The following VPS13B variants were observed in gnomAD, a reference collection of about 807,000 sequenced individuals.
VPS13B encodes vacuolar protein sorting 13 homolog B.
Under a neutral mutation model 426.4 loss-of-function variants are expected in VPS13B, and 285 were observed. The observed-to-expected ratio is 0.67, with a 90% CI of 0.61 to 0.74. The LOEUF is 0.74. Ranked by LOEUF, VPS13B falls within the 30% of genes least tolerant of loss-of-function variation. VPS13B has a pLI of 0.00. For synonymous variants in VPS13B, 1,676 were observed against 1,676.4 expected (o/e 1.00, Z 0.01); for missense variants, 4,537 against 4,782.6 (o/e 0.95, Z 1.51).
At chr8:99,342,787 T>C (rs1293647783) in intron 19 of VPS13B, among the ~76,000 whole-genome samples, 2 of 152,180 alleles carry the variant, frequency 1.3e-5, no homozygotes, top group Non-Finnish European at 2.9e-5. Context: ...AGCCATATGG[T>C]AATCTTATTT....
intron 19 of VPS13B, among the ~76,000 whole-genome samples, chr8:99,288,976 C>T (rs1256038017): frequency 2.0e-5 from 3 of 151,724 alleles, no homozygotes; most frequent in Admixed American, 6.6e-5. Context: ...GTGGAAGGAT[C>T]ACTTGAGTCC....
At position 99,184,907 on chromosome 8, in the gene VPS13B, C is replaced by T. The variant is rs544434271; in HGVS notation, c.2334-7969C>T. 2.6e-5 allele frequency among the ~76,000 whole-genome samples: 4 copies of T among 152,318 alleles called. No individual in the cohort carries two copies. In the East Asian group the frequency reaches 7.7e-4, roughly 29 times the overall value. ...TCTGGAGGCTGAGGCACGAGAGTCT[C>T]TTGAACCTGGAGGCGGAGGCTGCAG... On this transcript the variant is annotated intron_variant, in intron 16 of 61. Transcript: ENST00000357162.
intron 35 of VPS13B, among the ~76,000 whole-genome samples, chr8:99,684,189 T>A (rs552577653): frequency 1.3e-5 from 2 of 152,380 alleles, no homozygotes; most frequent in Non-Finnish European, 2.9e-5. Flanking sequence ...TAGTTCTGTA[T>A]GCTGATGGAT....
chr8:99,442,526 A>G lies in VPS13B; in HGVS notation c.3336A>G (p.Gly1112=), dbSNP rs751695118. ...ACCATGGACAAACCAGCATGCCGGG[A>G]ACACTTGTCCTCTGTTTGCCTCAAA... ...SWYHGQTSMP[G]TLVLCLPQIK... is the part of the protein sequence containing the mutation. The change falls in exon 23 of 62, where the codon GGA becomes GGG. Residue 1112 remains glycine (G), a synonymous_variant. Coordinates refer to ENST00000357162, the MANE Select transcript of VPS13B (RefSeq NM_152564.5). 3 of 1,613,990 alleles carry G rather than the reference A, an allele frequency of 1.9e-6. No homozygotes were observed. In the South Asian group the frequency reaches 3.3e-5, roughly 18 times the overall value.
At chr8:99,257,325 C>T (rs1817797114) in intron 17 of VPS13B, among the ~76,000 whole-genome samples, 1 of 152,084 alleles carries the variant, frequency 6.6e-6, no homozygotes, top group South Asian at 2.1e-4. Flanking sequence ...TGGTTGCACA[C>T]AGAGTTCTTA....
intron 30 of VPS13B, among the ~76,000 whole-genome samples, chr8:99,523,020 G>A (rs1822452992): frequency 6.6e-6 from 1 of 152,142 alleles, no homozygotes; most frequent in Admixed American, 6.5e-5. Flanking sequence ...TGAAATCTCA[G>A]TGAACTAGAT....
intron 33 of VPS13B, among the ~76,000 whole-genome samples, chr8:99,634,309 A>C (rs1332920143): frequency 6.6e-6 from 1 of 152,002 alleles, no homozygotes; most frequent in Non-Finnish European, 1.5e-5. Context: ...TCCTTTTCAT[A>C]ATTTACAACT....
intron 4 of VPS13B, among the ~76,000 whole-genome samples, chr8:99,101,887 C>A (rs1846771810): frequency 6.6e-6 from 1 of 151,950 alleles, no homozygotes; most frequent in African/African-American, 2.4e-5. Flanking sequence ...ATGGTTATTT[C>A]ATGAAATAGC....
At chr8:99,766,127 G>A (rs994227285) in intron 39 of VPS13B, among the ~76,000 whole-genome samples, 1 of 137,588 alleles carries the variant, frequency 7.3e-6, no homozygotes, top group East Asian at 2.2e-4. Flanking sequence ...CCAGGCTGGA[G>A]TGCAGTCACT....
chr8:99,622,814 T>A (rs1467536029), intron 33 of VPS13B, among the ~76,000 whole-genome samples: 1 of 152,198 alleles, frequency 6.6e-6, no homozygotes, highest in Non-Finnish European at 1.5e-5. Flanking sequence ...TCTTAGACGT[T>A]GTATCTAATC....
rs1821519834 is a variant in VPS13B, at chr8:99,506,769, A to ATT, written c.4158-367_4158-366dup. Among the ~76,000 whole-genome samples, 4 of 152,300 alleles carry ATT rather than the reference A, an allele frequency of 2.6e-5. No homozygotes were observed. The South Asian group carries it at 8.3e-4, about 32-fold the overall frequency. On this transcript the variant is annotated intron_variant, in intron 27 of 61. Transcript: ENST00000357162. ...CTGCTGGGGAGGCTAAGGTGGGTGG[A>ATT]TTGCTTGAGCCCAGGAGTTCAAGGT...
intron 5 of VPS13B, among the ~76,000 whole-genome samples, chr8:99,105,095 G>A (rs1476030046): frequency 6.6e-6 from 1 of 152,176 alleles, no homozygotes; most frequent in East Asian, 1.9e-4. Context: ...AGCAGAACTG[G>A]AATAGAGTTT....
chr8:99,467,495 T>C lies in VPS13B; in HGVS notation c.3527T>C (p.Val1176Ala). 6.2e-7 allele frequency: 1 copy of C among 1,613,840 alleles called. No homozygotes were observed. The highest frequency in any genetic ancestry group is 8.5e-7 in the Non-Finnish European group (1 of 1,179,790). Reference protein sequence around the residue: ...LLGKQVTLCLVEPMGCTSTLA... With the variant: ...LLGKQVTLCLAEPMGCTSTLA... ...GGAAAACAAGTGACACTTTGCCTAG[T>C]GGAACCTATGGGTTGCACCTCCACT... The change falls in exon 24 of 62, where the codon GTG (valine) becomes GCG (alanine). Residue 1176 changes from valine (V) to alanine (A), a missense_variant. Transcript: ENST00000357162.
chr8:99,229,757 A>G (rs1254317119), intron 17 of VPS13B, among the ~76,000 whole-genome samples: 1 of 152,188 alleles, frequency 6.6e-6, no homozygotes, highest in Non-Finnish European at 1.5e-5. Context: ...AGAGTTTGGC[A>G]GGTGTCATAC....
chr8:99,757,891 C>A (rs1810723303), intron 39 of VPS13B, among the ~76,000 whole-genome samples: 1 of 152,060 alleles, frequency 6.6e-6, no homozygotes, highest in Admixed American at 6.6e-5. Flanking sequence ...AATATATAAT[C>A]CTGACAGTCA....
intron 35 of VPS13B, 25 bp downstream of exon 35, chr8:99,661,516 G>A (rs781684607): frequency 6.2e-7 from 1 of 1,608,748 alleles, no homozygotes; most frequent in South Asian, 1.1e-5. Flanking sequence ...AAATTTACAT[G>A]TGTGTACATT....
intron 33 of VPS13B, among the ~76,000 whole-genome samples, chr8:99,589,165 A>G (rs753487346): frequency 3.3e-5 from 5 of 151,746 alleles, no homozygotes; most frequent in Non-Finnish European, 5.9e-5. Context: ...ATCATGGTGG[A>G]TAAACTTTTT....
At chr8:99,737,063 A>G (rs191359108) in intron 39 of VPS13B, among the ~76,000 whole-genome samples, 40 of 98,300 alleles carry the variant, frequency 4.1e-4, no homozygotes, top group African/African-American at 1.4e-3. Context: ...ATTCTGTCCT[A>G]TTGAATTTGA....
At chr8:99,175,438 T>C (rs1475546549) in intron 16 of VPS13B, among the ~76,000 whole-genome samples, 1 of 152,244 alleles carries the variant, frequency 6.6e-6, no homozygotes, top group Non-Finnish European at 1.5e-5. Context: ...ATGTGGATTT[T>C]GTCTATTTTA....
Sources: gnomAD v4.1 joint callset for allele counts (sites outside exome capture counted in the v4.1 genomes callset) on GRCh38, gnomAD v4.1.1 for gene constraint, MANE v1.5 for transcripts, NCBI Gene and HGNC (gene_info 2026-07-23, HGNC 2026-07-21) for gene names.